Variants in PTP4A3 observed in about 807,000 individuals in gnomAD.
PTP4A3 encodes protein tyrosine phosphatase type IVA 3.
PTP4A3 carries 9 observed loss-of-function variants against 15.2 expected under a neutral mutation model. The ratio of observed to expected loss-of-function variants is 0.59; its 90% CI spans 0.36 to 1.03. The LOEUF (loss-of-function observed/expected upper bound fraction) is 1.03. Among genes scored for constraint, PTP4A3 ranks in the 50% least tolerant of loss-of-function variants. PTP4A3 has a pLI of 0.02. For synonymous variants in PTP4A3, 95 were observed against 102.0 expected, an observed-to-expected ratio of 0.93 and a Z score of 0.41; for missense variants, 234 against 252.1, an observed-to-expected ratio of 0.93 and a Z score of 0.49.
chr8:141,394,273 A>AGCT (rs10654353), intron 1 of PTP4A3, among the ~76,000 whole-genome samples: 5,181 of 152,164 alleles, frequency 0.034, 240 homozygotes, highest in African/African-American at 0.11. Context: ...CTGAGCTGGG[A>AGCT]GCTCCTGGGC....
At chr8:141,397,441 C>T (rs72683598) in intron 1 of PTP4A3, among the ~76,000 whole-genome samples, 3,967 of 152,348 alleles carry the variant, frequency 0.026, 80 homozygotes, top group South Asian at 0.039. Context: ...AGGAGTCCTG[C>T]TGGGAAGGGC....
At chr8:141,427,887 C>T (rs977156008) in intron 5 of PTP4A3, 63 bp downstream of exon 5, 18 of 1,437,254 alleles carry the variant, frequency 1.3e-5, no homozygotes, top group African/African-American at 5.7e-5. Context: ...CGGCTGCCCA[C>T]GAAGGGTGGC....
At chr8:141,417,454 T>G (rs1169149018) in intron 1 of PTP4A3, among the ~76,000 whole-genome samples, 1 of 151,982 alleles carries the variant, frequency 6.6e-6, no homozygotes, top group East Asian at 1.9e-4. Context: ...GCCCTCCTCC[T>G]CAGGGTGCAG....
intron 2 of PTP4A3, 83 bp downstream of exon 2, chr8:141,422,428 G>T: frequency 2.0e-6 from 3 of 1,487,948 alleles, no homozygotes; most frequent in Non-Finnish European, 2.8e-6. Flanking sequence ...CTCGCAAGAG[G>T]GGTCCCCAGC....
chr8:141,403,015 C>T (rs1832633242), intron 1 of PTP4A3, among the ~76,000 whole-genome samples: 1 of 152,130 alleles, frequency 6.6e-6, no homozygotes, highest in Non-Finnish European at 1.5e-5. Flanking sequence ...CTGTGTGCAC[C>T]AGGGCCGCTG....
chr8:141,410,194 CCA>C lies in PTP4A3; in HGVS notation c.-853-11191_-853-11190del, dbSNP rs562542250. On this transcript the variant is annotated intron_variant, in intron 1 of 5. Coordinates refer to ENST00000521578, the MANE Select transcript of PTP4A3 (RefSeq NM_032611.3). ...TGAGGCCCCAGGATCACAGAAGTGC[CCA>C]CAGCCACACAGACGGGCAGGAGTCG... is the stretch of plus-strand genomic sequence containing the variant. Among the ~76,000 whole-genome samples the C allele has an allele frequency of 4.4e-3, 667 of 152,370 alleles. 7 individuals carry two copies. The highest frequency in any genetic ancestry group is 0.015 in the African/African-American group (640 of 41,588).
intron 5 of PTP4A3, among the ~76,000 whole-genome samples, chr8:141,428,384 C>T (rs1488746927): frequency 2.0e-5 from 3 of 152,082 alleles, no homozygotes; most frequent in African/African-American, 7.2e-5. Flanking sequence ...GCCATCTGCC[C>T]ACTGCCCAGG....
intron 1 of PTP4A3, among the ~76,000 whole-genome samples, chr8:141,400,210 T>C (rs982924892): frequency 1.8e-4 from 27 of 151,036 alleles, no homozygotes; most frequent in Middle Eastern, 6.8e-3. Context: ...GTGCCTGGCC[T>C]GCCTCTGCGC....
intron 1 of PTP4A3, among the ~76,000 whole-genome samples, chr8:141,401,134 G>A (rs1832580307): frequency 6.6e-6 from 1 of 152,178 alleles, no homozygotes; most frequent in Non-Finnish European, 1.5e-5. Flanking sequence ...TTAAACCTCA[G>A]GGTCCCCTGG....
chr8:141,420,888 CT>C (rs59903182), intron 1 of PTP4A3, among the ~76,000 whole-genome samples: 57,937 of 152,152 alleles, frequency 0.38, 12,683 homozygotes, highest in Non-Finnish European at 0.49. Context: ...GCCCCATTCC[CT>C]GAGGATGGGC....
intron 1 of PTP4A3, among the ~76,000 whole-genome samples, chr8:141,396,434 G>A (rs1832453227): frequency 6.6e-6 from 1 of 152,186 alleles, no homozygotes; most frequent in African/African-American, 2.4e-5. Context: ...GGGTGATGGT[G>A]CCAGTGGGGT....
chr8:141,412,235 A>C (rs1832889575), intron 1 of PTP4A3, among the ~76,000 whole-genome samples: 1 of 152,296 alleles, frequency 6.6e-6, no homozygotes, highest in African/African-American at 2.4e-5. Context: ...GTATGGTGGA[A>C]GTGGCCCCAA....
At chr8:141,394,544 G>C (rs1482453340) in intron 1 of PTP4A3, among the ~76,000 whole-genome samples, 1 of 152,204 alleles carries the variant, frequency 6.6e-6, no homozygotes, top group African/African-American at 2.4e-5. Flanking sequence ...CCCGAGGCTG[G>C]GCTAGAGGCA....
chr8:141,415,362 CCCCTCCCGCT>C (rs1373809717), intron 1 of PTP4A3, among the ~76,000 whole-genome samples: 1 of 151,886 alleles, frequency 6.6e-6, no homozygotes, highest in African/African-American at 2.4e-5. Flanking sequence ...CCCCTCCCGC[CCCCTCCCGCT>C]CGCTCCCGCT....
intron 1 of PTP4A3, among the ~76,000 whole-genome samples, chr8:141,400,791 G>A (rs72660244): frequency 0.12 from 18,532 of 152,196 alleles, 3,840 homozygotes; most frequent in African/African-American, 0.42. Flanking sequence ...TGGCCCCGTG[G>A]GGATGGCAGT....
chr8:141,411,363 G>A (rs1323877394), intron 1 of PTP4A3, among the ~76,000 whole-genome samples: 1 of 152,322 alleles, frequency 6.6e-6, no homozygotes, highest in South Asian at 2.1e-4. Flanking sequence ...ATCAGCACTG[G>A]TCCCCCCAGT....
intron 1 of PTP4A3, among the ~76,000 whole-genome samples, chr8:141,393,486 G>A (rs1378143467): frequency 2.0e-5 from 3 of 152,230 alleles, no homozygotes; most frequent in African/African-American, 7.2e-5. Flanking sequence ...TGTTCTCCAA[G>A]CACTTACTCT....
chr8:141,416,792 G>C (rs532826377), intron 1 of PTP4A3, among the ~76,000 whole-genome samples: 2 of 152,200 alleles, frequency 1.3e-5, no homozygotes, highest in African/African-American at 4.8e-5. Flanking sequence ...GAGGGTTGCC[G>C]GCACAGCTGG....
At position 141,425,341 on chromosome 8, in the gene PTP4A3, C is replaced by T. The variant is rs1468600774; in HGVS notation, c.198+201C>T. 6.6e-6 allele frequency among the ~76,000 whole-genome samples: 1 copy of T among 152,050 alleles called. No homozygotes were observed. Among genetic ancestry groups the T allele is most frequent in the East Asian group, 1.9e-4 (1 of 5,176 alleles). ...TGTGACCTCAAGAAAGTCACCCTTG[C>T]GCACCCGTCTTTCTGTCTCTAGGGT... On this transcript the variant is annotated intron_variant, in intron 3 of 5. Coordinates refer to ENST00000521578, the MANE Select transcript of PTP4A3 (RefSeq NM_032611.3). This position sits in a 1 kb window ranked among gnomAD's most constrained non-coding sequence, Gnocchi z 4.2.
Sources: allele counts gnomAD v4.1 joint callset (sites outside exome capture counted in the v4.1 genomes callset), GRCh38; gene constraint gnomAD v4.1.1; non-coding constraint Gnocchi (gnomAD v3.1); transcripts MANE v1.5; gene names NCBI Gene and HGNC (gene_info 2026-07-23, HGNC 2026-07-21).